Variants in SUCLG2 observed in about 807,000 individuals in gnomAD.
SUCLG2 encodes succinate-CoA ligase GDP-forming subunit beta, also known as succinate--CoA ligase [GDP-forming] subunit beta, mitochondrial.
Under a neutral mutation model 47.9 loss-of-function variants are expected in SUCLG2, and 42 were observed. The ratio of observed to expected loss-of-function variants is 0.88; its 90% CI spans 0.69 to 1.14. The LOEUF (loss-of-function observed/expected upper bound fraction) is 1.14. Ranked by LOEUF, SUCLG2 falls within the 50% of genes most tolerant of loss-of-function variation. The pLI is 0.00. For missense variants in SUCLG2, 571 were observed against 525.9 expected, an observed-to-expected ratio of 1.09 and a Z score of -0.84; for synonymous variants, 195 against 197.3, an observed-to-expected ratio of 0.99 and a Z score of 0.10.
intron 2 of SUCLG2, among the ~76,000 whole-genome samples, chr3:67,592,855 C>G (rs1035203596): frequency 2.0e-5 from 3 of 151,898 alleles, no homozygotes; most frequent in African/African-American, 7.3e-5. Context: ...TATAGAAAAA[C>G]CCACAATGTA....
intron 9 of SUCLG2, among the ~76,000 whole-genome samples, chr3:67,448,576 G>C (rs979523734): frequency 7.2e-5 from 11 of 152,142 alleles, no homozygotes; most frequent in Admixed American, 6.6e-4. Flanking sequence ...GTAGAGACAG[G>C]GTTTTGCCAT....
chr3:67,414,173 G>C (rs1284153417), intron 9 of SUCLG2, among the ~76,000 whole-genome samples: 1 of 152,088 alleles, frequency 6.6e-6, no homozygotes, highest in East Asian at 1.9e-4. Flanking sequence ...TGTTTGTCTT[G>C]AGTAGGTGAT....
At chr3:67,398,067 C>G (rs1397470219) in intron 10 of SUCLG2, among the ~76,000 whole-genome samples, 3 of 150,226 alleles carry the variant, frequency 2.0e-5, no homozygotes, top group Admixed American at 6.7e-5. Flanking sequence ...CATAAAAACC[C>G]TAGAAGAAAA....
rs1360132844 is a variant in SUCLG2, at chr3:67,375,361, GT to G, written c.*382del. 1.0e-6 allele frequency: 1 copy of G among 985,784 alleles called. No homozygotes were observed. The highest frequency in any genetic ancestry group is 1.7e-5 in the African/African-American group (1 of 57,220). The allele number at this position is 985,784 out of a possible 1,614,324, so 61.1% of individuals were successfully genotyped here. A position where few individuals can be genotyped will look rare whatever the true frequency, so the allele number is the denominator to read the frequency against. The stretch of plus-strand genomic sequence containing the variant: ...TCTTGTCTGAGTTTTTAAATGGTCT[GT>G]TTTTCTTTTTCATTATGTAGGATTA... On this transcript the variant is annotated 3_prime_UTR_variant, in exon 11 of 11. Transcript: ENST00000307227.
downstream of SUCLG2, among the ~76,000 whole-genome samples, chr3:67,373,904 A>G (rs1435841032): frequency 6.6e-6 from 1 of 152,118 alleles, no homozygotes; most frequent in Non-Finnish European, 1.5e-5. Context: ...CAAAAAGAAC[A>G]AGCTCTGATG....
intron 9 of SUCLG2, among the ~76,000 whole-genome samples, chr3:67,438,684 C>T (rs1703683883): frequency 6.6e-6 from 1 of 152,116 alleles, no homozygotes. Context: ...AAGACTAAAG[C>T]AGGAAGAAGT....
At chr3:67,556,575 A>G (rs1429636759) in intron 2 of SUCLG2, among the ~76,000 whole-genome samples, 5 of 152,214 alleles carry the variant, frequency 3.3e-5, no homozygotes, top group Admixed American at 6.5e-5. Flanking sequence ...AGAGACAGCT[A>G]GTGGTGTCTG....
intron 2 of SUCLG2, among the ~76,000 whole-genome samples, chr3:67,595,097 G>A (rs1708264590): frequency 6.6e-6 from 1 of 152,160 alleles, no homozygotes; most frequent in South Asian, 2.1e-4. Context: ...AAAAACGGAA[G>A]CAATGAAAGT....
rs1271710525 is a variant in SUCLG2, at chr3:67,525,910, A to G, written c.417+2222T>C. Among the ~76,000 whole-genome samples the G allele has an allele frequency of 2.6e-5, 4 of 152,378 alleles. No individual in the cohort carries two copies. In the South Asian group the frequency reaches 6.2e-4, roughly 24 times the overall value. ...ATCCAACAGTGGACTAGTACCTAGA[A>G]TAACTCAAAACTCAATAGTAAAAAC... On this transcript the variant is annotated intron_variant, in intron 4 of 10. Coordinates refer to ENST00000307227, the MANE Select transcript of SUCLG2 (RefSeq NM_003848.4).
chr3:67,528,135 G>T lies in SUCLG2; in HGVS notation c.414C>A (p.Asn138Lys), dbSNP rs1414617054. The change falls in exon 4 of 11, where the codon AAC becomes AAA. Residue 138 changes from asparagine to lysine, a missense_variant. By Grantham distance (94) the Asn-to-Lys change is moderately conservative. Coordinates refer to ENST00000307227, the MANE Select transcript of SUCLG2 (RefSeq NM_003848.4). ...TGACCCAAAGTATCCATATTACCTTGTTAACTTTCACACCTTCTTTTGGAG... is the reference window on the plus strand; with the variant it reads ...TGACCCAAAGTATCCATATTACCTTTTTAACTTTCACACCTTCTTTTGGAG... ...KQTPKEGVKV[N>K]KVMVAEALDI... 9.3e-6 allele frequency: 15 copies of T among 1,613,306 alleles called. No individual in the cohort carries two copies. The highest frequency in any genetic ancestry group is 1.3e-5 in the Non-Finnish European group (15 of 1,179,434).
intron 1 of SUCLG2, among the ~76,000 whole-genome samples, chr3:67,633,625 C>G (rs910523857): frequency 6.6e-6 from 1 of 152,122 alleles, no homozygotes; most frequent in Non-Finnish European, 1.5e-5. Context: ...GTAGTAAATG[C>G]CAGTTAAAGA....
chr3:67,469,677 C>T (rs1203105828), intron 9 of SUCLG2, among the ~76,000 whole-genome samples: 2 of 151,690 alleles, frequency 1.3e-5, no homozygotes, highest in East Asian at 3.9e-4. Context: ...TGCAGTGAGA[C>T]GAGACTGTAC....
intron 5 of SUCLG2, 146 bp downstream of exon 5, chr3:67,520,336 C>G (rs1706061707): frequency 8.7e-7 from 1 of 1,155,908 alleles, no homozygotes; most frequent in Non-Finnish European, 1.2e-6. Flanking sequence ...CAACTGGATA[C>G]CCAGAAAGAA....
In SUCLG2 at chr3:67,609,569, G is replaced by C; in HGVS notation, c.112C>G (p.Leu38Val). The C allele has an allele frequency of 6.2e-7, 1 of 1,613,754 alleles. No homozygotes were observed. The highest frequency in any genetic ancestry group is 8.5e-7 in the Non-Finnish European group (1 of 1,179,896). ...QAVQLTSRRW[L>V]NLQEYQSKKL... is the part of the protein sequence containing the mutation. ...TTGCTCTGGTATTCCTGCAGGTTCA[G>C]CCATCTTCTGGAGGTTAATTGAACT... is the stretch of plus-strand genomic sequence containing the variant. Residue 38 changes from leucine (L) to valine (V), a missense_variant, in exon 2 of 11, where the codon CTG becomes GTG. Coordinates refer to ENST00000307227, the MANE Select transcript of SUCLG2 (RefSeq NM_003848.4).
intron 2 of SUCLG2, among the ~76,000 whole-genome samples, chr3:67,555,103 T>A (rs1245806563): frequency 6.6e-6 from 1 of 152,106 alleles, no homozygotes; most frequent in Non-Finnish European, 1.5e-5. Context: ...TCACACTGAT[T>A]AATAACAGTA....
intron 9 of SUCLG2, among the ~76,000 whole-genome samples, chr3:67,488,043 A>G (rs1301610976): frequency 2.6e-5 from 4 of 152,076 alleles, no homozygotes; most frequent in Admixed American, 2.6e-4. Context: ...AAAAAAAGAA[A>G]GAAAGCAGAC....
intron 2 of SUCLG2, among the ~76,000 whole-genome samples, chr3:67,543,546 T>C (rs1174260345): frequency 6.6e-6 from 1 of 152,022 alleles, no homozygotes; most frequent in Non-Finnish European, 1.5e-5. Flanking sequence ...ATACCTGTAG[T>C]CCAAGCTACT....
At chr3:67,608,743 T>C (rs958694885) in intron 2 of SUCLG2, among the ~76,000 whole-genome samples, 3 of 151,832 alleles carry the variant, frequency 2.0e-5, no homozygotes. Context: ...GTTAGAGTGA[T>C]CATAGCCCAC....
chr3:67,452,974 A>T (rs1704091667), intron 9 of SUCLG2, among the ~76,000 whole-genome samples: 1 of 152,170 alleles, frequency 6.6e-6, no homozygotes, highest in Non-Finnish European at 1.5e-5. Context: ...TTTCAATGTA[A>T]TCATAGATGA....
Sources: gnomAD v4.1 joint callset for allele counts (sites outside exome capture counted in the v4.1 genomes callset) on GRCh38, gnomAD v4.1.1 for gene constraint, MANE v1.5 for transcripts, NCBI Gene and HGNC (gene_info 2026-07-23, HGNC 2026-07-21) for gene names.